UBE2R2: variants seen among roughly 807,000 people sequenced by gnomAD.
UBE2R2 encodes the protein ubiquitin conjugating enzyme E2 R2.
UBE2R2 carries 1 observed loss-of-function variant against 27.8 expected under a neutral mutation model. That is an observed-to-expected ratio of 0.04 (90% CI 0.01 to 0.17). UBE2R2 has a LOEUF of 0.17. Ranked by LOEUF, UBE2R2 falls within the 10% of genes least tolerant of loss-of-function variation. The pLI is 1.00. For missense variants in UBE2R2, 100 were observed against 291.0 expected, an observed-to-expected ratio of 0.34 and a Z score of 4.78; for synonymous variants, 106 against 113.3, an observed-to-expected ratio of 0.94 and a Z score of 0.41.
intron 1 of UBE2R2, among the ~76,000 whole-genome samples, chr9:33,823,668 G>A (rs570808748): frequency 3.9e-4 from 60 of 152,272 alleles, no homozygotes; most frequent in African/African-American, 1.4e-3. Context: ...GAGCCACCGC[G>A]CCTGGCTGAA....
At chr9:33,899,411 G>T (rs149789541) in intron 2 of UBE2R2, among the ~76,000 whole-genome samples, 11 of 148,648 alleles carry the variant, frequency 7.4e-5, no homozygotes, top group Non-Finnish European at 7.4e-5. Context: ...GTCTCCCTCT[G>T]TTGCCCAGGA....
At chr9:33,914,516 G>T (rs1822587026) in intron 4 of UBE2R2, among the ~76,000 whole-genome samples, 1 of 152,176 alleles carries the variant, frequency 6.6e-6, no homozygotes, top group Non-Finnish European at 1.5e-5. Flanking sequence ...TGGGAGGGAA[G>T]AGGTGATGCT....
In UBE2R2 at chr9:33,817,953, C is replaced by A; in HGVS notation, c.177+19C>A. 6.3e-7 allele frequency: 1 copy of A among 1,599,338 alleles called. No individual in the cohort carries two copies. Among genetic ancestry groups the A allele is most frequent in the Non-Finnish European group, 8.5e-7 (1 of 1,172,874 alleles). The stretch of plus-strand genomic sequence containing the variant: ...CTTCAAGGTACCCTCACCCTCCTCC[C>A]GGACCCTGCTTCCGCGGCCGAGGCC... On this transcript the variant is annotated intron_variant, in intron 1 of 4. Coordinates refer to ENST00000263228, the MANE Select transcript of UBE2R2 (RefSeq NM_017811.4).
At position 33,826,639 on chromosome 9, in the gene UBE2R2, C is replaced by T. The variant is rs543267708; in HGVS notation, c.177+8705C>T. 2.6e-5 allele frequency among the ~76,000 whole-genome samples: 4 copies of T among 151,934 alleles called. No individual in the cohort carries two copies. In the South Asian group the frequency reaches 8.3e-4, roughly 32 times the overall value. On this transcript the variant is annotated intron_variant, in intron 1 of 4. Transcript: ENST00000263228. Reference sequence around the variant, plus strand: ...CTTGAATCCAGAGGCGGAGAGGTTGCAGTGAGCTGAGATCACGCCATTGCA... The same window carrying T: ...CTTGAATCCAGAGGCGGAGAGGTTGTAGTGAGCTGAGATCACGCCATTGCA...
At chr9:33,916,015 G>A (rs1165680313) in intron 4 of UBE2R2, among the ~76,000 whole-genome samples, 1 of 152,116 alleles carries the variant, frequency 6.6e-6, no homozygotes, top group Non-Finnish European at 1.5e-5. Context: ...AAAAGACCAG[G>A]GTGAATGTGT....
intron 1 of UBE2R2, among the ~76,000 whole-genome samples, chr9:33,850,432 T>A (rs993982036): frequency 4.6e-5 from 7 of 152,096 alleles, no homozygotes; most frequent in African/African-American, 1.7e-4. Flanking sequence ...CTGTAACCAT[T>A]CTTCATTCCA....
chr9:33,886,832 G>A (rs1329320491), intron 1 of UBE2R2, 49 bp from the exon 2 acceptor site: 3 of 1,455,922 alleles, frequency 2.1e-6, no homozygotes, highest in South Asian at 1.3e-5. Context: ...TTAGGCAGAT[G>A]AATAAGTTAT....
Position 33,832,308 on chromosome 9 carries a change from C to CAA in UBE2R2, c.177+14384_177+14385dup, listed in dbSNP as rs112691327. Among the ~76,000 whole-genome samples, 523 of 136,558 alleles carry CAA rather than the reference C, an allele frequency of 3.8e-3. 6 individuals are homozygous for CAA. Among genetic ancestry groups the CAA allele is most frequent in the African/African-American group, 0.012 (469 of 37,820 alleles). The allele number at this position is 136,558 out of a possible 152,430, so 89.6% of individuals were successfully genotyped here. On this transcript the variant is annotated intron_variant, in intron 1 of 4. Coordinates refer to ENST00000263228, the MANE Select transcript of UBE2R2 (RefSeq NM_017811.4). ...GGGCAACAAGAGCGAAAATCTATCT[C>CAA]AAAAAAAAAAAGAAAAGAAAAGAAA... is the stretch of plus-strand genomic sequence containing the variant.
intron 4 of UBE2R2, among the ~76,000 whole-genome samples, chr9:33,915,613 A>G (rs1822622040): frequency 6.6e-6 from 1 of 152,180 alleles, no homozygotes; most frequent in African/African-American, 2.4e-5. Context: ...TGATGACTCA[A>G]ATTTTTATAA....
chr9:33,838,658 G>T lies in UBE2R2; in HGVS notation c.177+20724G>T, dbSNP rs545413916. Among the ~76,000 whole-genome samples, 5 of 152,200 alleles carry T rather than the reference G, an allele frequency of 3.3e-5. No homozygotes were observed. The South Asian group carries it at 1.0e-3, about 32-fold the overall frequency. On this transcript the variant is annotated intron_variant, in intron 1 of 4. Transcript: ENST00000263228. ...ATTTACTACAGTTTAGTTTATGTTAGTTGGTTTTATTACTTCCCAGGAAAT... is the reference window on the plus strand; with the variant it reads ...ATTTACTACAGTTTAGTTTATGTTATTTGGTTTTATTACTTCCCAGGAAAT...
chr9:33,887,072 A>G lies in UBE2R2; in HGVS notation c.264+105A>G. 4 of 868,476 alleles carry G rather than the reference A, an allele frequency of 4.6e-6. No individual in the cohort carries two copies. In the South Asian group the frequency reaches 6.6e-5, roughly 14 times the overall value. 53.8% of individuals were successfully genotyped at this position (868,476 alleles called of 1,614,324 possible). A position where few individuals can be genotyped will look rare whatever the true frequency, so the allele number is the denominator to read the frequency against. ...CTTTGATACTTAGGCTTTTGTAGCC[A>G]TAGAGAAATATTAATGATTTTGCAC... On this transcript the variant is annotated intron_variant, in intron 2 of 4. Coordinates refer to ENST00000263228, the MANE Select transcript of UBE2R2 (RefSeq NM_017811.4).
chr9:33,889,606 A>T (rs985517322), intron 2 of UBE2R2, among the ~76,000 whole-genome samples: 8 of 152,208 alleles, frequency 5.3e-5, no homozygotes, highest in African/African-American at 1.9e-4. Flanking sequence ...TTTTGCCTTT[A>T]CAGTTACGTG....
chr9:33,815,818 A>T (rs1438478315), upstream of UBE2R2, among the ~76,000 whole-genome samples: 3 of 152,208 alleles, frequency 2.0e-5, no homozygotes, highest in African/African-American at 7.2e-5. Flanking sequence ...AGTTTCTATG[A>T]ATCATTAACC....
intron 1 of UBE2R2, among the ~76,000 whole-genome samples, chr9:33,862,453 C>A (rs912608051): frequency 1.3e-5 from 2 of 152,166 alleles, no homozygotes; most frequent in African/African-American, 4.8e-5. Context: ...CTGCTCATTT[C>A]TTTTCTTGTC....
chr9:33,859,799 T>TGTGTGTGTGTGTGTGTGTGTGTGTGA (rs766779268), intron 1 of UBE2R2, among the ~76,000 whole-genome samples: 1 of 86,520 alleles, frequency 1.2e-5, no homozygotes, highest in African/African-American at 4.6e-5. Context: ...TGTGTGTGTG[T>TGTGTGTGTGTGTGTGTGTGTGTGTGA]GAGAGAGAGA....
chr9:33,861,200 TC>T (rs1821227510), intron 1 of UBE2R2, among the ~76,000 whole-genome samples: 3 of 149,704 alleles, frequency 2.0e-5, no homozygotes, highest in Non-Finnish European at 3.0e-5. Context: ...GACCTCATGA[TC>T]CGCCCGCCTC....
intron 1 of UBE2R2, among the ~76,000 whole-genome samples, chr9:33,832,500 CA>C (rs1341216856): frequency 6.6e-6 from 1 of 151,458 alleles, no homozygotes; most frequent in African/African-American, 2.4e-5. Flanking sequence ...ACTAAAAATA[CA>C]AAAAAATTAG....
chr9:33,830,874 T>C (rs1820458551), intron 1 of UBE2R2: 2 of 152,094 alleles, frequency 1.3e-5, no homozygotes, highest in African/African-American at 4.8e-5. Context: ...TTGGCTCATT[T>C]AGTAGCAAAC....
chr9:33,853,035 T>C (rs1050644145), intron 1 of UBE2R2, among the ~76,000 whole-genome samples: 8 of 151,262 alleles, frequency 5.3e-5, no homozygotes, highest in Non-Finnish European at 1.5e-5. Context: ...TTGTAATTAA[T>C]TTTTAACAAA....
Sources: allele counts gnomAD v4.1 joint callset (sites outside exome capture counted in the v4.1 genomes callset), GRCh38; gene constraint gnomAD v4.1.1; transcripts MANE v1.5; gene names NCBI Gene and HGNC (gene_info 2026-07-23, HGNC 2026-07-21).